NUP98: variants seen among roughly 807,000 people sequenced by gnomAD.
NUP98 encodes the protein nucleoporin 98 and 96 precursor.
A neutral mutation model predicts 191.9 loss-of-function variants in NUP98; 26 were observed. That is an observed-to-expected ratio of 0.14 (90% CI 0.10 to 0.19). The LOEUF (loss-of-function observed/expected upper bound fraction) is 0.19. Ranked by LOEUF, NUP98 falls within the 10% of genes least tolerant of loss-of-function variation. NUP98 has a pLI of 1.00. For synonymous variants in NUP98, 808 were observed against 778.4 expected, an observed-to-expected ratio of 1.04 and a Z score of -0.63; for missense variants, 1,941 against 2,178.8, an observed-to-expected ratio of 0.89 and a Z score of 2.17.
rs1239063318 is a variant in NUP98 at position 3,779,236 on chromosome 11, C to A, written c.98G>T (p.Ser33Ile). ...TGCAGATGTTCCAAATGCCCCTCCACTAGTAGTGCCAAAGCCAGTATCTGA... is the reference window on the plus strand; with the variant it reads ...TGCAGATGTTCCAAATGCCCCTCCAATAGTAGTGCCAAAGCCAGTATCTGA... ...FGQNTGFGTT[S>I]GGAFGTSAFG... The change falls in exon 3 of 33, where the codon AGT becomes ATT. Residue 33 changes from serine to isoleucine, a missense_variant. Coordinates refer to ENST00000324932, the MANE Select transcript of NUP98 (RefSeq NM_016320.5). 5.6e-6 allele frequency: 9 copies of A among 1,613,990 alleles called. No homozygotes were observed. Among genetic ancestry groups the A allele is most frequent in the Non-Finnish European group, 6.8e-6 (8 of 1,179,962 alleles).
chr11:3,697,652 TAAA>T (rs1041054033), intron 25 of NUP98, among the ~76,000 whole-genome samples: 5 of 148,824 alleles, frequency 3.4e-5, no homozygotes, highest in Non-Finnish European at 7.4e-5. Flanking sequence ...CTACTAAAAA[TAAA>T]AAAAAAGACA....
intron 30 of NUP98, among the ~76,000 whole-genome samples, chr11:3,682,038 A>G (rs1190027524): frequency 6.6e-6 from 1 of 152,166 alleles, no homozygotes; most frequent in Non-Finnish European, 1.5e-5. Context: ...CTTGCACTTT[A>G]ATGGAATGGA....
chr11:3,757,947 T>C (rs146067844), intron 10 of NUP98, among the ~76,000 whole-genome samples: 71 of 152,212 alleles, frequency 4.7e-4, no homozygotes, highest in African/African-American at 1.7e-3. Context: ...TTTGTGGCCC[T>C]CCAGAGAGTC....
intron 25 of NUP98, among the ~76,000 whole-genome samples, chr11:3,698,005 T>G (rs1016209576): frequency 6.6e-6 from 1 of 152,294 alleles, no homozygotes; most frequent in Admixed American, 6.5e-5. Flanking sequence ...TGAATTGATA[T>G]AGAACATATT....
At position 3,731,429 on chromosome 11, in the gene NUP98, G is replaced by T. The variant is rs372044168; in HGVS notation, c.1692C>A (p.Asp564Glu). Reference protein sequence around the residue: ...AKSHLFDGLDDDEPSLANGAF... With the variant: ...AKSHLFDGLDEDEPSLANGAF... ...CTCCATTGGCTAGGGATGGTTCATC[G>T]TCATCCAGCCCATCAAAGAGATGTG... is the stretch of plus-strand genomic sequence containing the variant. Residue 564 changes from aspartate to glutamate, a missense_variant, in exon 14 of 33, where the codon GAC becomes GAA. By Grantham distance (45) the Asp-to-Glu change is conservative (BLOSUM62 2). Around this residue, in one of 6 missense-constraint regions of NUP98, gnomAD observed 453 missense variants for 438.2 expected, o/e 1.03. Transcript: ENST00000324932. 3.7e-6 allele frequency: 6 copies of T among 1,604,788 alleles called. No homozygotes were observed. Among genetic ancestry groups the T allele is most frequent in the Admixed American group, 1.7e-5 (1 of 59,142 alleles).
At chr11:3,729,438 CT>C (rs2079747810) in intron 14 of NUP98, among the ~76,000 whole-genome samples, 1 of 149,484 alleles carries the variant, frequency 6.7e-6, no homozygotes, top group African/African-American at 2.5e-5. Flanking sequence ...TGATAGGTAG[CT>C]GGGCGTGGTA....
At chr11:3,771,986 G>C in intron 6 of NUP98, 58 bp from the exon 7 acceptor site, 1 of 1,459,862 alleles carries the variant, frequency 6.8e-7, no homozygotes, top group South Asian at 1.2e-5. Context: ...TAATTATTTA[G>C]GAGGCTAAAT....
intron 20 of NUP98, chr11:3,712,124 A>G: frequency 9.5e-7 from 1 of 1,057,518 alleles, no homozygotes; most frequent in Non-Finnish European, 1.1e-6. Flanking sequence ...AAACAACTTT[A>G]AAAAAATGGA....
chr11:3,770,471 C>T (rs1377890087), intron 7 of NUP98, among the ~76,000 whole-genome samples: 1 of 151,060 alleles, frequency 6.6e-6, no homozygotes, highest in Admixed American at 6.6e-5. Flanking sequence ...GGAGTAAGAC[C>T]CTAAAACCCT....
chr11:3,787,874 C>A (rs2082195537), intron 1 of NUP98, among the ~76,000 whole-genome samples: 1 of 151,974 alleles, frequency 6.6e-6, no homozygotes, highest in Non-Finnish European at 1.5e-5. Flanking sequence ...TGCCTCTAGT[C>A]CCAGCTACTT....
At chr11:3,770,580 C>T (rs1472643016) in intron 7 of NUP98, among the ~76,000 whole-genome samples, 1 of 150,478 alleles carries the variant, frequency 6.6e-6, no homozygotes, top group Admixed American at 6.6e-5. Context: ...TGTGTATGTA[C>T]ATCTCTTTAG....
At chr11:3,729,692 G>C (rs1243479481) in intron 14 of NUP98, among the ~76,000 whole-genome samples, 2 of 115,086 alleles carry the variant, frequency 1.7e-5, no homozygotes, top group Admixed American at 9.8e-5. Flanking sequence ...TCCAGCCTGG[G>C]CAATGGCATA....
chr11:3,723,687 G>GA (rs1331634802), intron 15 of NUP98, among the ~76,000 whole-genome samples: 1 of 148,130 alleles, frequency 6.8e-6, no homozygotes, highest in Non-Finnish European at 1.5e-5. Flanking sequence ...ATTAAAAACT[G>GA]AAAAAAATGT....
At chr11:3,679,800 AAAT>A in intron 30 of NUP98, 92 bp from the exon 31 acceptor site, 1 of 1,291,158 alleles carries the variant, frequency 7.7e-7, no homozygotes, top group South Asian at 1.4e-5. Flanking sequence ...AAGGAAGGAG[AAAT>A]AATGTTGGCT....
At chr11:3,682,100 C>CGAA (rs2078000083) in intron 30 of NUP98, among the ~76,000 whole-genome samples, 1 of 152,204 alleles carries the variant, frequency 6.6e-6, no homozygotes, top group Non-Finnish European at 1.5e-5. Context: ...TAGCTTCAAA[C>CGAA]GTTTCTTCTG....
At position 3,723,291 on chromosome 11, in the gene NUP98, A is replaced by G; in HGVS notation, c.2012T>C (p.Ile671Thr). Residue 671 changes from isoleucine (I) to threonine (T), a missense_variant, in exon 16 of 33, where the codon ATT becomes ACT. Ile to Thr is a moderately conservative substitution (Grantham distance 89). Around this residue, in one of 6 missense-constraint regions of NUP98, gnomAD observed 453 missense variants for 438.2 expected, o/e 1.03. Coordinates refer to ENST00000324932, the MANE Select transcript of NUP98 (RefSeq NM_016320.5). ...AGCAGCACGCATGTTTAATGCAACA[A>G]TGGTATCATCCACACTGTTGCTGTT... is the stretch of plus-strand genomic sequence containing the variant. Reference protein sequence around the residue: ...HSNSNSVDDTIVALNMRAALR... With the variant: ...HSNSNSVDDTTVALNMRAALR... 6.2e-7 allele frequency: 1 copy of G among 1,614,158 alleles called. No homozygotes were observed. The highest frequency in any genetic ancestry group is 8.5e-7 in the Non-Finnish European group (1 of 1,180,018).
chr11:3,691,653 A>C (rs1367146932), intron 27 of NUP98, among the ~76,000 whole-genome samples, 164 bp from the exon 28 acceptor site: 1 of 151,948 alleles, frequency 6.6e-6, no homozygotes, highest in Non-Finnish European at 1.5e-5. Flanking sequence ...TCCCAGATTC[A>C]AACAATTCTC....
chr11:3,782,700 G>A (rs1247161059), intron 1 of NUP98, among the ~76,000 whole-genome samples: 5 of 145,596 alleles, frequency 3.4e-5, no homozygotes, highest in African/African-American at 1.3e-4. Flanking sequence ...GTGTCACCAT[G>A]CCTGTCTAAT....
At chr11:3,706,859 C>T (rs1197477887) in intron 20 of NUP98, among the ~76,000 whole-genome samples, 1 of 152,184 alleles carries the variant, frequency 6.6e-6, no homozygotes, top group African/African-American at 2.4e-5. Flanking sequence ...TCTAATATTA[C>T]GACCTGGTGT....
Sources: gnomAD v4.1 joint callset for allele counts (sites outside exome capture counted in the v4.1 genomes callset) on GRCh38, gnomAD v4.1.1 for gene constraint, gnomAD v4.1.1 regional missense constraint, MANE v1.5 for transcripts, NCBI Gene and HGNC (gene_info 2026-07-23, HGNC 2026-07-21) for gene names.